Variants in LBH observed in about 807,000 individuals in gnomAD.
The protein encoded by LBH is protein LBH.
In LBH, 7 loss-of-function variants were observed where a neutral mutation model predicts 12.5. The observed-to-expected ratio is 0.56, with a 90% CI of 0.32 to 1.05. The LOEUF is 1.05. LBH is among the 50% of genes least tolerant of loss of function. The pLI is 0.04. For synonymous variants in LBH, 51 were observed against 50.1 expected (o/e 1.02, Z -0.08); for missense variants, 119 against 138.9 (o/e 0.86, Z 0.72).
chr2:30,236,022 AG>A (rs1335759524), intron 2 of LBH, among the ~76,000 whole-genome samples: 2 of 152,190 alleles, frequency 1.3e-5, no homozygotes, highest in Non-Finnish European at 2.9e-5. Flanking sequence ...CCCACCAGCC[AG>A]GGGGTTTTGG....
intron 1 of LBH, 33 bp from the exon 2 acceptor site, chr2:30,234,372 G>A (rs1558384868): frequency 6.5e-7 from 1 of 1,541,316 alleles, no homozygotes; most frequent in South Asian, 1.1e-5. Context: ...AAGCGCGTGT[G>A]TTTGTTGACT....
At chr2:30,233,955 A>G (rs1378289112) in intron 1 of LBH, among the ~76,000 whole-genome samples, 1 of 151,914 alleles carries the variant, frequency 6.6e-6, no homozygotes, top group East Asian at 1.9e-4. Context: ...GTTATTGTGT[A>G]TTAATAATAT....
intron 2 of LBH, among the ~76,000 whole-genome samples, chr2:30,238,422 C>G (rs952796154): frequency 6.6e-6 from 1 of 152,236 alleles, no homozygotes; most frequent in Non-Finnish European, 1.5e-5. Context: ...GCACACGTCC[C>G]TTCCTGGCTG....
chr2:30,247,197 A>G (rs1677887113), intron 2 of LBH, among the ~76,000 whole-genome samples: 2 of 152,148 alleles, frequency 1.3e-5, no homozygotes, highest in African/African-American at 4.8e-5. Context: ...GTACACTAAA[A>G]TTCATTAGTC....
At chr2:30,252,545 G>A (rs375296768) in intron 2 of LBH, among the ~76,000 whole-genome samples, 81 of 152,060 alleles carry the variant, frequency 5.3e-4, no homozygotes, top group Middle Eastern at 3.4e-3. Context: ...GCCTGTCGTC[G>A]AAGCTACTCA....
intron 2 of LBH, among the ~76,000 whole-genome samples, chr2:30,235,461 A>G (rs1677672904): frequency 6.6e-6 from 1 of 152,114 alleles, no homozygotes; most frequent in Non-Finnish European, 1.5e-5. Flanking sequence ...AGCACTCTAC[A>G]GACGCTGCCT....
intron 2 of LBH, among the ~76,000 whole-genome samples, chr2:30,234,930 C>T (rs942097929): frequency 6.6e-6 from 1 of 152,176 alleles, no homozygotes; most frequent in Admixed American, 6.5e-5. Context: ...GGGGCTTCTG[C>T]AGAAGGGTGG....
At chr2:30,235,232 A>C (rs766087729) in intron 2 of LBH, among the ~76,000 whole-genome samples, 63 of 151,994 alleles carry the variant, frequency 4.1e-4, no homozygotes, top group Non-Finnish European at 7.9e-4. Context: ...GGGTGGGAGC[A>C]ATGGAGCACC....
chr2:30,257,305 C>T, intron 2 of LBH, 128 bp from the exon 3 acceptor site: 1 of 976,176 alleles, frequency 1.0e-6, no homozygotes, highest in Non-Finnish European at 1.6e-6. Flanking sequence ...CCACAGCCTC[C>T]CGAGTGCAAA....
At chr2:30,232,393 C>A in intron 1 of LBH, 1 of 823,544 alleles carries the variant, frequency 1.2e-6, no homozygotes, top group African/African-American at 1.8e-5. Context: ...CCGCCTTCGC[C>A]GTGCTGAAGG....
intron 1 of LBH, chr2:30,233,233 T>G (rs992495837): frequency 1.3e-5 from 2 of 152,292 alleles, no homozygotes; most frequent in African/African-American, 4.8e-5. Flanking sequence ...TATGCAGACA[T>G]TAGCCCTTAA....
In LBH at chr2:30,234,479, G is replaced by GC. The variant is rs1677651096; in HGVS notation, c.106dup (p.Arg36ProfsTer17). 6.2e-7 allele frequency: 1 copy of GC among 1,614,000 alleles called. No homozygotes were observed. Among genetic ancestry groups the GC allele is most frequent in the South Asian group, 1.1e-5 (1 of 91,080 alleles). On this transcript the variant is annotated frameshift_variant, in exon 2 of 3. Coordinates refer to ENST00000395323, the MANE Select transcript of LBH (RefSeq NM_030915.4). LOFTEE classifies it high-confidence loss of function. Reference sequence around the variant, plus strand: ...CAGCCCATGGAGGAGATCGGCCTCAGCCCCCGCAAGGATGGCCTTTCCTAC... The same window carrying GC: ...CAGCCCATGGAGGAGATCGGCCTCAGCCCCCCGCAAGGATGGCCTTTCCTAC...
chr2:30,231,868 G>A (rs931375416), intron 1 of LBH, 104 bp downstream of exon 1: 5 of 1,066,922 alleles, frequency 4.7e-6, no homozygotes, highest in Non-Finnish European at 4.9e-6. Context: ...CCGGCGGCGC[G>A]GGCGCTCAGC....
intron 2 of LBH, among the ~76,000 whole-genome samples, chr2:30,240,946 C>G (rs1487199813): frequency 1.3e-5 from 2 of 152,238 alleles, no homozygotes; most frequent in African/African-American, 4.8e-5. Flanking sequence ...AAAGAGGGCA[C>G]TCCTAAATTT....
chr2:30,255,331 C>T (rs11688651), intron 2 of LBH, among the ~76,000 whole-genome samples: 32,944 of 152,098 alleles, frequency 0.22, 4,263 homozygotes, highest in Middle Eastern at 0.31. Flanking sequence ...GGCACAGCGC[C>T]GTCTGAGGGC....
At chr2:30,242,859 C>T (rs1382215249) in intron 2 of LBH, among the ~76,000 whole-genome samples, 9 of 152,154 alleles carry the variant, frequency 5.9e-5, no homozygotes, top group Admixed American at 5.9e-4. Context: ...CATCATTTTA[C>T]AGAAATCTCT....
intron 2 of LBH, among the ~76,000 whole-genome samples, chr2:30,249,108 A>C (rs1677927788): frequency 6.6e-6 from 1 of 152,210 alleles, no homozygotes; most frequent in Non-Finnish European, 1.5e-5. Context: ...ACTGGAGAAT[A>C]TTCTTCCTTC....
At chr2:30,254,022 C>T (rs982255186) in intron 2 of LBH, among the ~76,000 whole-genome samples, 5 of 152,096 alleles carry the variant, frequency 3.3e-5, no homozygotes, top group Non-Finnish European at 7.4e-5. Flanking sequence ...TTCCCAGGTG[C>T]GTGGCTTTGA....
intron 2 of LBH, among the ~76,000 whole-genome samples, chr2:30,242,316 T>C (rs905330625): frequency 4.6e-5 from 7 of 152,208 alleles, no homozygotes; most frequent in Admixed American, 4.6e-4. Context: ...CAATCTCGGC[T>C]CACTGCAACC....
Sources: allele counts gnomAD v4.1 joint callset (sites outside exome capture counted in the v4.1 genomes callset), GRCh38; gene constraint gnomAD v4.1.1; transcripts MANE v1.5; gene names NCBI Gene and HGNC (gene_info 2026-07-23, HGNC 2026-07-21).